The following BNC2 variants were observed in gnomAD, a reference collection of about 807,000 sequenced individuals.
BNC2 encodes zinc finger protein basonuclin-2.
Under a neutral mutation model 76.3 loss-of-function variants are expected in BNC2, and 20 were observed. The ratio of observed to expected loss-of-function variants is 0.26; its 90% confidence interval spans 0.18 to 0.38. The LOEUF (loss-of-function observed/expected upper bound fraction) is 0.38. Among genes scored for constraint, BNC2 ranks in the 10% least tolerant of loss-of-function variants. The probability of loss-of-function intolerance (pLI) is 1.00; values close to 1 mark genes in which losing one functional copy is unlikely to be tolerated. For missense variants in BNC2, 1,382 were observed against 1,399.8 expected, an observed-to-expected ratio of 0.99 and a Z score of 0.20; for synonymous variants, 582 against 514.8, an observed-to-expected ratio of 1.13 and a Z score of -1.77.
At chr9:16,684,524 C>G (rs1822919576) in intron 3 of BNC2, among the ~76,000 whole-genome samples, 1 of 152,168 alleles carries the variant, frequency 6.6e-6, no homozygotes, top group Non-Finnish European at 1.5e-5. Context: ...CTTCTACCCT[C>G]ATTCTCACTG....
chr9:16,696,739 G>C (rs903442705), intron 3 of BNC2, among the ~76,000 whole-genome samples: 22 of 152,130 alleles, frequency 1.4e-4, no homozygotes, highest in African/African-American at 5.1e-4. Context: ...GTTACAAATA[G>C]AGTGATTTTA....
chr9:16,613,288 G>A (rs1469807247), intron 3 of BNC2, among the ~76,000 whole-genome samples: 2 of 152,106 alleles, frequency 1.3e-5, no homozygotes, highest in Non-Finnish European at 2.9e-5. Flanking sequence ...GATCACACAA[G>A]GGAAGGAAAA....
At chr9:16,736,714 T>C (rs1300131376) in intron 2 of BNC2, among the ~76,000 whole-genome samples, 1 of 151,852 alleles carries the variant, frequency 6.6e-6, no homozygotes, top group Non-Finnish European at 1.5e-5. Context: ...GACCTTGTGA[T>C]CCGCCTCTCT....
At chr9:16,607,886 T>C (rs897272022) in intron 3 of BNC2, among the ~76,000 whole-genome samples, 1 of 152,144 alleles carries the variant, frequency 6.6e-6, no homozygotes, top group Non-Finnish European at 1.5e-5. Flanking sequence ...CCTGAAACAT[T>C]AATGTGTGAA....
Position 16,727,958 on chromosome 9 carries a change from G to C in BNC2, c.169C>G (p.Gln57Glu), listed in dbSNP as rs760776701. 1.2e-6 allele frequency: 2 copies of C among 1,613,960 alleles called. No homozygotes were observed. Among genetic ancestry groups the C allele is most frequent in the Non-Finnish European group, 1.7e-6 (2 of 1,179,990 alleles). The stretch of plus-strand genomic sequence containing the variant: ...GCCCTCTTTGGCTCTCTGTCTCTCT[G>C]TGTCTCTCTTTCTCTCACATCCACT... ...AEVDVRERETQRDREPKRARD... is the reference protein window; with the variant it reads ...AEVDVRERETERDREPKRARD... Residue 57 changes from glutamine (Q) to glutamate (E), a missense_variant, in exon 3 of 7, where the codon CAG becomes GAG. By Grantham distance (29) the Gln-to-Glu change is conservative (BLOSUM62 2). Transcript: ENST00000380672.
chr9:16,805,940 G>T (rs1330163806), intron 1 of BNC2, among the ~76,000 whole-genome samples: 5 of 152,232 alleles, frequency 3.3e-5, no homozygotes, highest in African/African-American at 1.2e-4. Context: ...AGTATATTTT[G>T]ATTCTAATGT....
intron 1 of BNC2, chr9:16,832,235 G>C (rs1160274607): frequency 8.1e-7 from 1 of 1,238,414 alleles, no homozygotes; most frequent in South Asian, 1.3e-5. Context: ...ATTACATGTA[G>C]TTAAATACCA....
At chr9:16,575,366 G>T (rs1184391693) in intron 4 of BNC2, 1 of 985,234 alleles carries the variant, frequency 1.0e-6, no homozygotes, top group Non-Finnish European at 1.2e-6. Flanking sequence ...TGGAGGCCAG[G>T]TCTTGCCAGC....
At chr9:16,606,864 C>G (rs944593319) in intron 3 of BNC2, among the ~76,000 whole-genome samples, 2 of 152,154 alleles carry the variant, frequency 1.3e-5, no homozygotes, top group African/African-American at 4.8e-5. Context: ...GGCCGGCGAT[C>G]TGATGGTTTT....
Position 16,436,081 on chromosome 9 carries a change from T to C in BNC2, c.2113A>G (p.Ile705Val), listed in dbSNP as rs1821005806. The C allele has an allele frequency of 6.2e-7, 1 of 1,614,170 alleles. No homozygotes were observed. The highest frequency in any genetic ancestry group is 1.1e-5 in the South Asian group (1 of 91,072). Reference sequence around the variant, plus strand: ...GAAGTCATGCTGTCGGCCCTCCTTATTTCAGTCCTTGAAATGCACCGGGTC... The same window carrying C: ...GAAGTCATGCTGTCGGCCCTCCTTACTTCAGTCCTTGAAATGCACCGGGTC... ...NRTRCISRTE[I>V]RRADSMTSED... Residue 705 changes from isoleucine to valine, a missense_variant, in exon 6 of 7, where the codon ATA becomes GTA. Coordinates refer to ENST00000380672, the MANE Select transcript of BNC2 (RefSeq NM_017637.6).
chr9:16,794,004 G>A (rs1817583883), intron 1 of BNC2, among the ~76,000 whole-genome samples: 1 of 151,818 alleles, frequency 6.6e-6, no homozygotes, highest in East Asian at 1.9e-4. Flanking sequence ...GCCGGGCCTT[G>A]CCTTTCACAT....
At chr9:16,464,087 C>T (rs1186259389) in intron 5 of BNC2, among the ~76,000 whole-genome samples, 1 of 112,310 alleles carries the variant, frequency 8.9e-6, no homozygotes, top group Non-Finnish European at 1.7e-5. Context: ...GGGCAAGACC[C>T]TGTCTCCAAA....
chr9:16,738,185 G>A (rs1012729577), intron 2 of BNC2, among the ~76,000 whole-genome samples, 175 bp downstream of exon 2: 11 of 152,094 alleles, frequency 7.2e-5, no homozygotes, highest in Non-Finnish European at 1.5e-4. Flanking sequence ...TATTTCTTCA[G>A]AGGCAAGAAG....
chr9:16,497,234 T>A (rs565773335), intron 5 of BNC2, among the ~76,000 whole-genome samples: 4 of 152,336 alleles, frequency 2.6e-5, no homozygotes, highest in African/African-American at 9.6e-5. Context: ...CAGTTTATGA[T>A]GTAGGCCTAA....
intron 3 of BNC2, among the ~76,000 whole-genome samples, chr9:16,599,075 A>G (rs1169211613): frequency 6.6e-6 from 1 of 152,236 alleles, no homozygotes; most frequent in Admixed American, 6.5e-5. Flanking sequence ...TATGTAGCCT[A>G]TCACAAAGCA....
In BNC2 at chr9:16,648,982, A is replaced by G. The variant is rs569912829; in HGVS notation, c.331-65897T>C. Among the ~76,000 whole-genome samples, 552 of 152,308 alleles carry G rather than the reference A, an allele frequency of 3.6e-3. 4 individuals carry two copies. The highest frequency in any genetic ancestry group is 0.012 in the African/African-American group (514 of 41,582). On this transcript the variant is annotated intron_variant, in intron 3 of 6. Transcript: ENST00000380672. ...TGATATCTTTATGTGCTAAAATAGC[A>G]TAACGACTTAGTCGCCTTAGACTCT...
At chr9:16,843,157 T>G (rs368988622) in intron 1 of BNC2, among the ~76,000 whole-genome samples, 22 of 152,302 alleles carry the variant, frequency 1.4e-4, no homozygotes, top group Admixed American at 2.6e-4. Context: ...GATGGAGAGA[T>G]AGATGAATTT....
At chr9:16,829,835 T>C (rs1240719618) in intron 1 of BNC2, among the ~76,000 whole-genome samples, 1 of 152,076 alleles carries the variant, frequency 6.6e-6, no homozygotes, top group Admixed American at 6.5e-5. Flanking sequence ...GAAAAATAAA[T>C]AGGAAGTTTA....
At chr9:16,683,614 AC>A (rs1257108069) in intron 3 of BNC2, among the ~76,000 whole-genome samples, 7 of 152,232 alleles carry the variant, frequency 4.6e-5, no homozygotes, top group African/African-American at 1.7e-4. Context: ...TTTAAAAAGG[AC>A]TAGGACACAT....
Sources: gnomAD v4.1 joint callset for allele counts (sites outside exome capture counted in the v4.1 genomes callset) on GRCh38, gnomAD v4.1.1 for gene constraint, MANE v1.5 for transcripts, NCBI Gene and HGNC (gene_info 2026-07-23, HGNC 2026-07-21) for gene names.